CADM2: variants seen among roughly 807,000 people sequenced by gnomAD.
The protein encoded by CADM2 is immunoglobulin superfamily member 4D.
Under a neutral mutation model 49.8 loss-of-function variants are expected in CADM2, and 12 were observed. The observed-to-expected ratio is 0.24, with a 90% CI of 0.15 to 0.39. The LOEUF is 0.39. CADM2 is among the 10% of genes least tolerant of loss of function. The pLI is 1.00. For missense variants in CADM2, 378 were observed against 492.3 expected (o/e 0.77, Z 2.20); for synonymous variants, 214 against 175.4 (o/e 1.22, Z -1.74).
intron 1 of CADM2, among the ~76,000 whole-genome samples, chr3:85,441,935 A>T (rs1462820414): frequency 6.6e-6 from 1 of 152,078 alleles, no homozygotes; most frequent in African/African-American, 2.4e-5. Flanking sequence ...AAGCAGAAGA[A>T]CAATAAATTA....
intron 1 of CADM2, among the ~76,000 whole-genome samples, chr3:85,174,044 T>A (rs2107690030): frequency 6.6e-6 from 1 of 152,282 alleles, no homozygotes; most frequent in Non-Finnish European, 1.5e-5. Flanking sequence ...GTGATGCTCC[T>A]GACTTCTGAT....
chr3:85,026,883 C>G (rs1172679009), intron 1 of CADM2, among the ~76,000 whole-genome samples: 1 of 152,020 alleles, frequency 6.6e-6, no homozygotes, highest in East Asian at 1.9e-4. Context: ...TTTAAAAATG[C>G]TAGTGTATAT....
At chr3:85,116,750 C>A (rs1380777842) in intron 1 of CADM2, among the ~76,000 whole-genome samples, 3 of 151,852 alleles carry the variant, frequency 2.0e-5, no homozygotes. Context: ...GTGGAAAGGA[C>A]TTTAGAGAGG....
chr3:85,742,035 T>C (rs1429106406), intron 2 of CADM2, among the ~76,000 whole-genome samples: 2 of 152,248 alleles, frequency 1.3e-5, no homozygotes, highest in Non-Finnish European at 2.9e-5. Context: ...TTACCACTGC[T>C]GTAGCAGCTA....
chr3:85,836,276 A>G (rs1018511424), intron 3 of CADM2, among the ~76,000 whole-genome samples: 1 of 151,630 alleles, frequency 6.6e-6, no homozygotes. Flanking sequence ...AAAAGCCCAG[A>G]GGGCATGGTT....
At chr3:85,049,538 G>A (rs2035802124) in intron 1 of CADM2, among the ~76,000 whole-genome samples, 1 of 151,782 alleles carries the variant, frequency 6.6e-6, no homozygotes, top group Non-Finnish European at 1.5e-5. Flanking sequence ...TTTTAGTAGA[G>A]ACGGGCTTTC....
At chr3:85,887,595 TC>T (rs1713848369) in intron 5 of CADM2, among the ~76,000 whole-genome samples, 1 of 152,178 alleles carries the variant, frequency 6.6e-6, no homozygotes, top group Non-Finnish European at 1.5e-5. Context: ...TTTACCCTGA[TC>T]ACTACGCTTG....
chr3:85,513,963 A>G (rs1242884240), intron 1 of CADM2, among the ~76,000 whole-genome samples: 1 of 152,050 alleles, frequency 6.6e-6, no homozygotes, highest in East Asian at 1.9e-4. Context: ...AGTATTAGCA[A>G]TTGTATATGT....
At chr3:85,972,816 A>G (rs1390382216) in intron 8 of CADM2, among the ~76,000 whole-genome samples, 7 of 151,754 alleles carry the variant, frequency 4.6e-5, no homozygotes, top group African/African-American at 1.7e-4. Context: ...ACAAGGTTAT[A>G]CAGGATCTGT....
chr3:85,222,042 A>G (rs1050854571), intron 1 of CADM2, among the ~76,000 whole-genome samples: 1 of 152,206 alleles, frequency 6.6e-6, no homozygotes, highest in African/African-American at 2.4e-5. Flanking sequence ...TTATTGAAGA[A>G]TAATAGTCCA....
chr3:85,516,367 A>G (rs2060903298), intron 1 of CADM2, among the ~76,000 whole-genome samples: 2 of 152,208 alleles, frequency 1.3e-5, no homozygotes, highest in Admixed American at 6.5e-5. Flanking sequence ...TCCACACAAC[A>G]GAATTGACTT....
intron 8 of CADM2, among the ~76,000 whole-genome samples, chr3:85,984,390 T>C (rs1014076823): frequency 1.3e-5 from 2 of 151,604 alleles, no homozygotes; most frequent in Non-Finnish European, 3.0e-5. Flanking sequence ...TAATAAACCA[T>C]GTCATAATCT....
At chr3:85,491,971 T>A (rs1312912128) in intron 1 of CADM2, among the ~76,000 whole-genome samples, 1 of 151,578 alleles carries the variant, frequency 6.6e-6, no homozygotes, top group African/African-American at 2.4e-5. Flanking sequence ...AAGTTTCTTC[T>A]GTACAACTCC....
chr3:85,518,903 T>C (rs1166675068), intron 1 of CADM2, among the ~76,000 whole-genome samples: 2 of 152,120 alleles, frequency 1.3e-5, no homozygotes, highest in East Asian at 1.9e-4. Flanking sequence ...GGAATTAAGA[T>C]TGGATGTCTT....
At chr3:86,023,581 C>G (rs1733483318) in intron 8 of CADM2, among the ~76,000 whole-genome samples, 1 of 152,104 alleles carries the variant, frequency 6.6e-6, no homozygotes, top group Non-Finnish European at 1.5e-5. Flanking sequence ...TGGTCTCAAA[C>G]TCCTGACCTC....
intron 1 of CADM2, among the ~76,000 whole-genome samples, chr3:85,599,371 T>C (rs368209095): frequency 7.2e-5 from 11 of 151,988 alleles, no homozygotes; most frequent in African/African-American, 2.7e-4. Flanking sequence ...CTGGAATGGA[T>C]CTTAAAGATC....
At chr3:85,028,412 T>G (rs964747907) in intron 1 of CADM2, among the ~76,000 whole-genome samples, 1 of 152,176 alleles carries the variant, frequency 6.6e-6, no homozygotes, top group Non-Finnish European at 1.5e-5. Context: ...GTTTATCTCA[T>G]TTAATTTTCA....
At chr3:85,731,120 A>G (rs2067915030) in intron 2 of CADM2, among the ~76,000 whole-genome samples, 1 of 152,168 alleles carries the variant, frequency 6.6e-6, no homozygotes, top group Non-Finnish European at 1.5e-5. Flanking sequence ...GGAGAATATT[A>G]TAAATCTGCT....
At chr3:85,071,191 T>C (rs1176110893) in intron 1 of CADM2, among the ~76,000 whole-genome samples, 2 of 151,264 alleles carry the variant, frequency 1.3e-5, no homozygotes, top group African/African-American at 2.4e-5. Context: ...AAAAGTAAAG[T>C]ATATAGGTAA....
Sources: gnomAD v4.1 joint callset for allele counts (sites outside exome capture counted in the v4.1 genomes callset) on GRCh38, gnomAD v4.1.1 for gene constraint, MANE v1.5 for transcripts, NCBI Gene and HGNC (gene_info 2026-07-23, HGNC 2026-07-21) for gene names.